ROBO2: variants seen among roughly 807,000 people sequenced by gnomAD.
ROBO2 encodes roundabout homolog 2.
ROBO2 carries 53 observed loss-of-function variants against 160.8 expected under a neutral mutation model. The observed-to-expected ratio is 0.33, with a 90% CI of 0.26 to 0.41. ROBO2 has a LOEUF of 0.41. Ranked by LOEUF, ROBO2 falls within the 10% of genes least tolerant of loss-of-function variation. The probability of loss-of-function intolerance (pLI) is 1.00; values close to 1 mark genes in which losing one functional copy is unlikely to be tolerated. For missense variants in ROBO2, 1,577 were observed against 1,722.4 expected (o/e 0.92, Z 1.49); for synonymous variants, 664 against 611.7 (o/e 1.09, Z -1.26).
intron 2 of ROBO2, among the ~76,000 whole-genome samples, chr3:76,103,962 G>T (rs139929626): frequency 6.6e-6 from 1 of 152,228 alleles, no homozygotes; most frequent in Non-Finnish European, 1.5e-5. Context: ...TGATGGTTGG[G>T]CTTTTCTCAT....
chr3:77,226,280 C>G (rs752656351), intron 2 of ROBO2, among the ~76,000 whole-genome samples: 1 of 151,270 alleles, frequency 6.6e-6, no homozygotes. Context: ...GACCGTTGTA[C>G]GTGAATATTT....
intron 2 of ROBO2, among the ~76,000 whole-genome samples, chr3:76,958,066 G>GCT (rs2079404062): frequency 6.6e-6 from 1 of 152,114 alleles, no homozygotes; most frequent in Non-Finnish European, 1.5e-5. Context: ...GCGAAATATG[G>GCT]CTCTTTCAAA....
chr3:76,801,214 C>T (rs1401705006), intron 2 of ROBO2, among the ~76,000 whole-genome samples: 6 of 152,108 alleles, frequency 3.9e-5, no homozygotes, highest in Non-Finnish European at 8.8e-5. Flanking sequence ...AACAATTGAA[C>T]TCATGCAGAT....
At chr3:76,092,631 C>T (rs891234151) in intron 2 of ROBO2, among the ~76,000 whole-genome samples, 2 of 152,108 alleles carry the variant, frequency 1.3e-5, no homozygotes, top group Non-Finnish European at 2.9e-5. Context: ...CTCATAAATT[C>T]CGAACTTGTT....
At chr3:76,449,497 A>G (rs2077365381) in intron 2 of ROBO2, among the ~76,000 whole-genome samples, 1 of 152,144 alleles carries the variant, frequency 6.6e-6, no homozygotes, top group Admixed American at 6.6e-5. Flanking sequence ...CTCTAAATTT[A>G]CATATTTCAT....
chr3:76,741,320 A>G (rs2108040056), intron 2 of ROBO2, among the ~76,000 whole-genome samples: 1 of 152,238 alleles, frequency 6.6e-6, no homozygotes, highest in Admixed American at 6.5e-5. Context: ...TTAACAATAA[A>G]TGAAAAGTAA....
intron 2 of ROBO2, among the ~76,000 whole-genome samples, chr3:76,376,806 T>C (rs1278708690): frequency 6.6e-6 from 1 of 152,094 alleles, no homozygotes; most frequent in Non-Finnish European, 1.5e-5. Flanking sequence ...ATTTGACCAT[T>C]TATGGTAAGC....
At chr3:77,156,308 T>C (rs1336309258) in intron 2 of ROBO2, among the ~76,000 whole-genome samples, 1 of 152,080 alleles carries the variant, frequency 6.6e-6, no homozygotes, top group East Asian at 1.9e-4. Context: ...CTTTAGATCG[T>C]GTTAAACAAT....
chr3:76,712,526 T>C (rs2093314494), intron 2 of ROBO2, among the ~76,000 whole-genome samples: 1 of 151,816 alleles, frequency 6.6e-6, no homozygotes, highest in South Asian at 2.1e-4. Flanking sequence ...AATACAAAAA[T>C]TAGCTGGGTG....
intron 2 of ROBO2, among the ~76,000 whole-genome samples, chr3:76,942,490 C>A (rs9852659): frequency 2.0e-5 from 3 of 152,220 alleles, no homozygotes; most frequent in Non-Finnish European, 4.4e-5. Context: ...GGAAGCACCA[C>A]TGATGTTTGA....
intron 19 of ROBO2, among the ~76,000 whole-genome samples, 195 bp from the exon 21 acceptor site, chr3:77,602,015 C>G (rs2094439577): frequency 6.6e-6 from 1 of 152,144 alleles, no homozygotes; most frequent in South Asian, 2.1e-4. Context: ...GAAGGGCGAG[C>G]AGTAGGCCTG....
chr3:77,269,470 G>A (rs544768329), intron 2 of ROBO2, among the ~76,000 whole-genome samples: 26 of 152,068 alleles, frequency 1.7e-4, no homozygotes, highest in South Asian at 8.3e-4. Context: ...TGGATTTGGC[G>A]TTCCTAGCAT....
At chr3:76,880,365 G>A (rs1412004037) in intron 2 of ROBO2, among the ~76,000 whole-genome samples, 1 of 152,028 alleles carries the variant, frequency 6.6e-6, no homozygotes, top group South Asian at 2.1e-4. Flanking sequence ...ATAAAATAAA[G>A]ATTAAAAGAT....
At chr3:77,493,378 G>A (rs2086377231) in exon 5 of ROBO2, 1 of 1,613,732 alleles carries the variant, frequency 6.2e-7, no homozygotes, top group Non-Finnish European at 8.5e-7. Context: ...CTTGCCAAGA[G>A]GAAGGTAAGA....
chr3:76,590,118 C>G (rs1428627851), intron 2 of ROBO2, among the ~76,000 whole-genome samples: 7 of 151,978 alleles, frequency 4.6e-5, no homozygotes, highest in Admixed American at 4.6e-4. Context: ...ATATATACGG[C>G]AATTTTTAGC....
chr3:77,137,997 C>T (rs2076410329), intron 2 of ROBO2, among the ~76,000 whole-genome samples: 1 of 151,418 alleles, frequency 6.6e-6, no homozygotes, highest in African/African-American at 2.4e-5. Context: ...CAGTGGTAAA[C>T]GTGTAATATA....
intron 2 of ROBO2, among the ~76,000 whole-genome samples, chr3:76,363,618 G>A (rs1198072869): frequency 6.6e-6 from 1 of 151,886 alleles, no homozygotes; most frequent in Non-Finnish European, 1.5e-5. Flanking sequence ...CTTCTCTTAT[G>A]CTTGGTGCAT....
chr3:77,372,358 T>C (rs1164884976), intron 2 of ROBO2, among the ~76,000 whole-genome samples: 1 of 152,164 alleles, frequency 6.6e-6, no homozygotes, highest in Non-Finnish European at 1.5e-5. Flanking sequence ...TCCTTAAGTT[T>C]CTTTCCATTT....
intron 2 of ROBO2, among the ~76,000 whole-genome samples, chr3:77,031,806 A>G (rs2063344802): frequency 6.6e-6 from 1 of 151,260 alleles, no homozygotes; most frequent in African/African-American, 2.4e-5. Context: ...ATGTATAAAA[A>G]TGCTCCTGTC....
Sources: gnomAD v4.1 joint callset for allele counts (sites outside exome capture counted in the v4.1 genomes callset) on GRCh38, gnomAD v4.1.1 for gene constraint, MANE v1.5 for transcripts, NCBI Gene and HGNC (gene_info 2026-07-23, HGNC 2026-07-21) for gene names.